The following INSL3 variants were observed in gnomAD, a reference collection of about 807,000 sequenced individuals.
INSL3 encodes the protein insulin like 3.
In INSL3, 6 loss-of-function variants were observed where a neutral mutation model predicts 5.5. The observed-to-expected ratio is 1.08, with a 90% CI of 0.59 to 2.14. INSL3 has a LOEUF of 2.14. INSL3 is among the 30% of genes most tolerant of loss of function. The pLI, the probability that INSL3 is intolerant of heterozygous loss-of-function variation, is 0.00. For synonymous variants in INSL3, 86 were observed against 82.1 expected, an observed-to-expected ratio of 1.05 and a Z score of -0.26; for missense variants, 178 against 184.7, an observed-to-expected ratio of 0.96 and a Z score of 0.21.
chr19:17,820,081 A>C (rs10410442), intron 1 of INSL3, among the ~76,000 whole-genome samples: 46,535 of 151,770 alleles, frequency 0.31, 7,562 homozygotes, highest in East Asian at 0.62. Context: ...ACTGCACTTC[A>C]GCCCGGGTGA....
chr19:17,817,981 T>G (rs2094190382), intron 1 of INSL3, among the ~76,000 whole-genome samples: 1 of 151,844 alleles, frequency 6.6e-6, no homozygotes, highest in Non-Finnish European at 1.5e-5. Context: ...GAGCTACAGA[T>G]GGTGTCAGTT....
rs765510437 is a variant in INSL3, at chr19:17,816,536, AAG to A, written c.*316_*317del. ...AGCTGCTTTGGGTCGTTTATTTACT[AAG>A]AGACAGCAAGAAGGGGTGTTACACA... On this transcript the variant is annotated 3_prime_UTR_variant, in exon 2 of 2. Coordinates refer to ENST00000317306, the MANE Select transcript of INSL3 (RefSeq NM_005543.4). The A allele has an allele frequency of 1.7e-5, 7 of 418,902 alleles. No individual in the cohort carries two copies. The highest frequency in any genetic ancestry group is 6.0e-5 in the African/African-American group (3 of 49,620). The allele number at this position is 418,902 out of a possible 1,614,324, so 25.9% of individuals were successfully genotyped here.
At chr19:17,820,651 C>T (rs1284795246) in intron 1 of INSL3, among the ~76,000 whole-genome samples, 3 of 152,070 alleles carry the variant, frequency 2.0e-5, no homozygotes, top group Non-Finnish European at 2.9e-5. Context: ...GAGTGAGACC[C>T]TGTCTCAAAA....
intron 1 of INSL3, among the ~76,000 whole-genome samples, chr19:17,819,691 A>C (rs2094192715): frequency 6.6e-6 from 1 of 152,030 alleles, no homozygotes; most frequent in Non-Finnish European, 1.5e-5. Context: ...AATACAAAAA[A>C]TTTAGCTGGG....
chr19:17,821,138 T>C (rs113069298), intron 1 of INSL3, among the ~76,000 whole-genome samples, 179 bp downstream of exon 1: 186 of 152,266 alleles, frequency 1.2e-3, no homozygotes, highest in African/African-American at 4.2e-3. Flanking sequence ...CTGGGGACTT[T>C]CACACGCGCG....
chr19:17,818,842 C>T (rs761727669), intron 1 of INSL3, among the ~76,000 whole-genome samples: 1 of 151,696 alleles, frequency 6.6e-6, no homozygotes, highest in Non-Finnish European at 1.5e-5. Context: ...ATATACAGGA[C>T]AGCCCCACTA....
Position 17,816,974 on chromosome 19 carries a change from C to G in INSL3, c.276G>C (p.Gln92His). ...DSNLTLGPGL[Q>H]PLPQTSHHHR... ...GATGGTGAGAGGTCTGGGGCAGGGG[C>G]TGCAGGCCAGGTCCCAGCGTGAGAT... The change falls in exon 2 of 2, where the codon CAG becomes CAC. Residue 92 changes from glutamine (Q) to histidine (H), a missense_variant. Coordinates refer to ENST00000317306, the MANE Select transcript of INSL3 (RefSeq NM_005543.4). 6.2e-7 allele frequency: 1 copy of G among 1,614,062 alleles called. No homozygotes were observed. Among genetic ancestry groups the G allele is most frequent in the East Asian group, 2.2e-5 (1 of 44,870 alleles).
At position 17,821,240 on chromosome 19, in the gene INSL3, C is replaced by A; in HGVS notation, c.190+77G>T. On this transcript the variant is annotated intron_variant, in intron 1 of 1. Coordinates refer to ENST00000317306, the MANE Select transcript of INSL3 (RefSeq NM_005543.4). ...GCATGCAAACCTGCCCACCTCCCTG[C>A]ACGTGTGCATCTGCGCCTACGTGCA... 3 of 1,482,516 alleles carry A rather than the reference C, an allele frequency of 2.0e-6. No individual in the cohort carries two copies. In the South Asian group the frequency reaches 3.6e-5, roughly 18 times the overall value. The allele number at this position is 1,482,516 out of a possible 1,614,324, so 91.8% of individuals were successfully genotyped here. A position where few individuals can be genotyped will look rare whatever the true frequency, so the allele number is the denominator to read the frequency against.
intron 1 of INSL3, chr19:17,820,539 T>C: frequency 4.4e-6 from 1 of 225,082 alleles, no homozygotes. Context: ...AGCACCTGTA[T>C]CCCAGCCACT....
intron 1 of INSL3, among the ~76,000 whole-genome samples, chr19:17,820,834 G>A (rs1380498160): frequency 1.4e-5 from 2 of 138,766 alleles, no homozygotes; most frequent in Non-Finnish European, 3.1e-5. Flanking sequence ...TTTTTTTTGA[G>A]ACGGAGTTTC....
intron 1 of INSL3, among the ~76,000 whole-genome samples, chr19:17,820,152 T>C (rs917899879): frequency 5.3e-5 from 8 of 150,288 alleles, no homozygotes; most frequent in Non-Finnish European, 1.2e-4. Context: ...GGTGTGGTGG[T>C]GCGTGCCCGC....
rs899649354 is a variant in INSL3, at chr19:17,816,638, G to C, written c.*216C>G. ...GTCAGTGTCCAGCATCTGTGAAAGC[G>C]GGGATCCTCCAAGCCAGGGCTAGGG... On this transcript the variant is annotated 3_prime_UTR_variant, in exon 2 of 2. Coordinates refer to ENST00000317306, the MANE Select transcript of INSL3 (RefSeq NM_005543.4). The C allele has an allele frequency of 6.7e-6, 4 of 598,998 alleles. No individual in the cohort carries two copies. The East Asian group carries it at 1.1e-4, about 17-fold the overall frequency. 37.1% of individuals were successfully genotyped at this position (598,998 alleles called of 1,614,324 possible). A position where few individuals can be genotyped will look rare whatever the true frequency, so the allele number is the denominator to read the frequency against.
chr19:17,819,715 G>A (rs1189163656), intron 1 of INSL3, among the ~76,000 whole-genome samples: 3 of 152,212 alleles, frequency 2.0e-5, no homozygotes, highest in East Asian at 1.9e-4. Context: ...GGTGGCAGGC[G>A]CCTGCAGTCC....
chr19:17,816,939 T>C lies in INSL3; in HGVS notation c.311A>G (p.His104Arg), dbSNP rs1251956919. ...TGCAGGGTTGGTGGCAGCTGCACGG[T>C]GGTGGCGGTGATGGTGAGAGGTCTG... ...LPQTSHHHRH[H>R]RAAATNPARY... is the part of the protein sequence containing the mutation. The change falls in exon 2 of 2, where the codon CAC (histidine) becomes CGC (arginine). Residue 104 changes from histidine (H) to arginine (R), a missense_variant. By Grantham distance (29) the His-to-Arg change is conservative. Transcript: ENST00000317306. 1.2e-6 allele frequency: 2 copies of C among 1,614,022 alleles called. No homozygotes were observed. Among genetic ancestry groups the C allele is most frequent in the East Asian group, 4.5e-5 (2 of 44,866 alleles).
intron 1 of INSL3, among the ~76,000 whole-genome samples, chr19:17,817,868 C>T (rs919664046): frequency 2.0e-5 from 3 of 149,108 alleles, no homozygotes; most frequent in Non-Finnish European, 4.5e-5. Flanking sequence ...GGTTAATCCT[C>T]TCATCCACTC....
In INSL3 at chr19:17,816,903, C is replaced by A; in HGVS notation, c.347G>T (p.Cys116Phe). 1 of 1,614,050 alleles carries A rather than the reference C, an allele frequency of 6.2e-7. No individual in the cohort carries two copies. Among genetic ancestry groups the A allele is most frequent in the South Asian group, 1.1e-5 (1 of 91,088 alleles). ...AAATNPARYCCLSGCTQQDLL... is the reference protein window; with the variant it reads ...AAATNPARYCFLSGCTQQDLL... The stretch of plus-strand genomic sequence containing the variant: ...GTCTTGTTGGGTACAGCCACTGAGG[C>A]AGCAGTAGCGTGCAGGGTTGGTGGC... Residue 116 changes from cysteine to phenylalanine, a missense_variant, in exon 2 of 2, where the codon TGC (cysteine) becomes TTC (phenylalanine). Physicochemically the swap from Cys to Phe is radical, Grantham distance 205 (BLOSUM62 -2). Coordinates refer to ENST00000317306, the MANE Select transcript of INSL3 (RefSeq NM_005543.4).
chr19:17,817,883 C>G (rs2094190254), intron 1 of INSL3, among the ~76,000 whole-genome samples: 3 of 150,550 alleles, frequency 2.0e-5, no homozygotes, highest in Admixed American at 1.3e-4. Context: ...CCACTCAACT[C>G]ATGTCCACAC....
At chr19:17,820,917 G>A (rs895116086) in intron 1 of INSL3, among the ~76,000 whole-genome samples, 6 of 151,436 alleles carry the variant, frequency 4.0e-5, no homozygotes, top group Non-Finnish European at 4.4e-5. Flanking sequence ...GGGTTCAAGC[G>A]ATTCTCCTGC....
intron 1 of INSL3, among the ~76,000 whole-genome samples, chr19:17,817,792 T>A: frequency 3.5e-5 from 1 of 28,806 alleles, no homozygotes; most frequent in East Asian, 8.0e-4. Flanking sequence ...TGAAACTCCA[T>A]CTCAAAAAAA....
Sources: allele counts gnomAD v4.1 joint callset (sites outside exome capture counted in the v4.1 genomes callset), GRCh38; gene constraint gnomAD v4.1.1; transcripts MANE v1.5; gene names NCBI Gene and HGNC (gene_info 2026-07-23, HGNC 2026-07-21).